Variants in SOS1 observed in about 807,000 individuals in gnomAD.
The protein encoded by SOS1 is SOS Ras/Rac guanine nucleotide exchange factor 1.
A neutral mutation model predicts 157.6 loss-of-function variants in SOS1; 25 were observed. The ratio of observed to expected loss-of-function variants is 0.16; its 90% CI spans 0.12 to 0.22. SOS1 has a LOEUF of 0.22. Among genes scored for constraint, SOS1 ranks in the 10% least tolerant of loss-of-function variants. The pLI is 1.00. For synonymous variants in SOS1, 528 were observed against 534.0 expected (o/e 0.99, Z 0.16); for missense variants, 1,237 against 1,599.1 (o/e 0.77, Z 3.86).
chr2:39,024,309 C>A (rs1344602432), intron 8 of SOS1, among the ~76,000 whole-genome samples, 172 bp from the exon 9 acceptor site: 3 of 152,082 alleles, frequency 2.0e-5, no homozygotes, highest in Non-Finnish European at 4.4e-5. Flanking sequence ...TATTAATACA[C>A]AACCAAGTTT....
At chr2:39,065,994 A>G (rs1304417147) in intron 2 of SOS1, among the ~76,000 whole-genome samples, 2 of 152,176 alleles carry the variant, frequency 1.3e-5, no homozygotes, top group African/African-American at 4.8e-5. Context: ...CCCATCAGCT[A>G]TTATCACATT....
intron 1 of SOS1, among the ~76,000 whole-genome samples, chr2:39,102,523 T>C (rs1572893765): frequency 3.2e-5 from 2 of 62,100 alleles, no homozygotes; most frequent in Admixed American, 3.0e-4. Context: ...AGAGCAAGAC[T>C]CCATCTCAAA....
intron 20 of SOS1, chr2:38,993,966 A>T (rs1668813646): frequency 6.6e-6 from 1 of 152,220 alleles, no homozygotes; most frequent in Non-Finnish European, 1.5e-5. Flanking sequence ...TTTCACATGA[A>T]ATTAATTTAA....
intron 20 of SOS1, chr2:38,992,979 T>C (rs1199699740): frequency 6.6e-6 from 1 of 151,856 alleles, no homozygotes; most frequent in East Asian, 1.9e-4. Context: ...GGCTCATCTA[T>C]AACCCCAGCA....
rs1306577224 is a variant in SOS1 at position 39,007,153 on chromosome 2, C to G, written c.2551G>C (p.Val851Leu). Residue 851 changes from valine to leucine, a missense_variant, in exon 16 of 23, where the codon GTG becomes CTG. Physicochemically the swap from Val to Leu is conservative, Grantham distance 32 (BLOSUM62 1). This residue lies in a region of SOS1 where 105 missense variants were observed against 236.0 expected (regional missense o/e 0.44). Transcript: ENST00000402219. Reference protein sequence around the residue: ...ETENLEERVAVVSRIIEILQV... With the variant: ...ETENLEERVALVSRIIEILQV... Reference sequence around the variant, plus strand: ...AGAATCTCAATAATTCGACTCACCACAGCTACTCTTTCTTCTAAATTTTCA... The same window carrying G: ...AGAATCTCAATAATTCGACTCACCAGAGCTACTCTTTCTTCTAAATTTTCA... The G allele has an allele frequency of 6.2e-7, 1 of 1,605,452 alleles. No homozygotes were observed. The highest frequency in any genetic ancestry group is 1.7e-5 in the Admixed American group (1 of 59,994).
At chr2:39,009,216 TA>T (rs1272750460) in intron 15 of SOS1, among the ~76,000 whole-genome samples, 4 of 150,894 alleles carry the variant, frequency 2.7e-5, no homozygotes, top group Admixed American at 2.6e-4. Flanking sequence ...ATAACTGAAA[TA>T]AAAAACTTAC....
At chr2:39,108,222 A>G (rs1157019467) in intron 1 of SOS1, among the ~76,000 whole-genome samples, 1 of 152,094 alleles carries the variant, frequency 6.6e-6, no homozygotes, top group East Asian at 1.9e-4. Context: ...AAAGCCACCT[A>G]TCATCCCTTC....
intron 16 of SOS1, 141 bp from the exon 17 acceptor site, chr2:39,006,670 A>C (rs1669291906): frequency 1.5e-6 from 1 of 683,154 alleles, no homozygotes; most frequent in Non-Finnish European, 2.6e-6. Context: ...ATATTGCTTC[A>C]AATAAATTAT....
chr2:39,032,477 G>A (rs1165512340), intron 8 of SOS1, among the ~76,000 whole-genome samples: 1 of 152,126 alleles, frequency 6.6e-6, no homozygotes, highest in Non-Finnish European at 1.5e-5. Context: ...AGAATTTAAA[G>A]GAAAATGTAT....
At position 38,981,968 on chromosome 2, in the gene SOS1, G is replaced by A. The variant is rs1668411989; in HGVS notation, c.*3856C>T. 2.6e-5 allele frequency: 4 copies of A among 152,104 alleles called. No homozygotes were observed. The highest frequency in any genetic ancestry group is 2.6e-4 in the Admixed American group (4 of 15,268). The allele number at this position is 152,104 out of a possible 1,614,324, so 9.4% of individuals were successfully genotyped here. ...TGATCTGAAGAAAAAAATTAGAGAT[G>A]TTCTTAATTAAAGGCACATTTGGCA... is the stretch of plus-strand genomic sequence containing the variant. On this transcript the variant is annotated 3_prime_UTR_variant, in exon 23 of 23. Coordinates refer to ENST00000402219, the MANE Select transcript of SOS1 (RefSeq NM_005633.4).
At chr2:39,089,884 T>C (rs1672519559) in intron 1 of SOS1, among the ~76,000 whole-genome samples, 1 of 151,390 alleles carries the variant, frequency 6.6e-6, no homozygotes, top group Non-Finnish European at 1.5e-5. Context: ...CCCAGTACTT[T>C]AGGAGGCAGA....
chr2:39,052,977 A>AC (rs1671073704), intron 5 of SOS1, among the ~76,000 whole-genome samples: 1 of 151,280 alleles, frequency 6.6e-6, no homozygotes, highest in South Asian at 2.1e-4. Context: ...ACATGGTGAA[A>AC]CCCCGCCTCT....
At chr2:38,992,514 A>G (rs747397357) in intron 20 of SOS1, 1 of 152,242 alleles carries the variant, frequency 6.6e-6, no homozygotes, top group Non-Finnish European at 1.5e-5. Context: ...ATAACAAAGC[A>G]GGATCCAGAG....
chr2:38,996,797 T>C, intron 19 of SOS1, 125 bp downstream of exon 19: 3 of 683,322 alleles, frequency 4.4e-6, no homozygotes, highest in South Asian at 3.6e-5. Context: ...CTGGACATAA[T>C]TATTAAGTAC....
At chr2:38,990,137 A>G (rs1668685022) in intron 20 of SOS1, among the ~76,000 whole-genome samples, 1 of 151,502 alleles carries the variant, frequency 6.6e-6, no homozygotes, top group South Asian at 2.1e-4. Context: ...AAATAATACT[A>G]GACTGTGGTA....
At chr2:39,093,575 T>C (rs1453857901) in intron 1 of SOS1, among the ~76,000 whole-genome samples, 3 of 152,218 alleles carry the variant, frequency 2.0e-5, no homozygotes, top group African/African-American at 7.2e-5. Flanking sequence ...CAATATCTAA[T>C]CTATTTGTTA....
At chr2:39,025,227 T>C (rs1330175775) in intron 8 of SOS1, among the ~76,000 whole-genome samples, 2 of 152,140 alleles carry the variant, frequency 1.3e-5, no homozygotes, top group Non-Finnish European at 2.9e-5. Flanking sequence ...TAAAATAAAA[T>C]AAAATAACAT....
chr2:39,011,109 C>T (rs1224042100), intron 14 of SOS1, among the ~76,000 whole-genome samples: 1 of 152,080 alleles, frequency 6.6e-6, no homozygotes, highest in African/African-American at 2.4e-5. Flanking sequence ...GTTGGCCAGG[C>T]TGGTCTCGAA....
intron 10 of SOS1, among the ~76,000 whole-genome samples, chr2:39,016,395 T>C (rs2124523505): frequency 6.6e-6 from 1 of 152,282 alleles, no homozygotes; most frequent in South Asian, 2.1e-4. Context: ...TTTTATTGTT[T>C]GTCTTCAGTT....
Sources: gnomAD v4.1 joint callset for allele counts (sites outside exome capture counted in the v4.1 genomes callset) on GRCh38, gnomAD v4.1.1 for gene constraint, gnomAD v4.1.1 regional missense constraint, MANE v1.5 for transcripts, NCBI Gene and HGNC (gene_info 2026-07-23, HGNC 2026-07-21) for gene names.